KCNB2: variants seen among roughly 807,000 people sequenced by gnomAD.
KCNB2 encodes the protein potassium voltage-gated channel subfamily B member 2, also known as delayed rectifier potassium channel protein.
KCNB2 carries 15 observed loss-of-function variants against 61.5 expected under a neutral mutation model. The ratio of observed to expected loss-of-function variants is 0.24; its 90% CI spans 0.16 to 0.38. KCNB2 has a LOEUF of 0.38. Ranked by LOEUF, KCNB2 falls within the 10% of genes least tolerant of loss-of-function variation. The pLI is 1.00. For synonymous variants in KCNB2, 457 were observed against 446.0 expected (o/e 1.02, Z -0.31); for missense variants, 828 against 1,125.2 (o/e 0.74, Z 3.78).
At chr8:72,632,107 G>A (rs903839000) in intron 2 of KCNB2, among the ~76,000 whole-genome samples, 1 of 151,864 alleles carries the variant, frequency 6.6e-6, no homozygotes, top group African/African-American at 2.4e-5. Context: ...TTAGCTGGAT[G>A]TGATCACATG....
chr8:72,742,352 T>C (rs1167737153), intron 2 of KCNB2, among the ~76,000 whole-genome samples: 3 of 152,188 alleles, frequency 2.0e-5, no homozygotes, highest in Non-Finnish European at 4.4e-5. Context: ...GTTTATAATA[T>C]TGCTTTCTCA....
chr8:72,755,007 G>T (rs1204119487), intron 2 of KCNB2, among the ~76,000 whole-genome samples: 2 of 152,084 alleles, frequency 1.3e-5, no homozygotes, highest in Non-Finnish European at 2.9e-5. Context: ...ATCAACAGTT[G>T]GTAGAAGATA....
intron 2 of KCNB2, among the ~76,000 whole-genome samples, chr8:72,762,882 A>ATATATATAT (rs1808404549): frequency 1.4e-5 from 2 of 141,618 alleles, no homozygotes; most frequent in African/African-American, 5.2e-5. Flanking sequence ...CATATTAACA[A>ATATATATAT]ATATATATAT....
intron 2 of KCNB2, among the ~76,000 whole-genome samples, chr8:72,726,441 A>G (rs1400301152): frequency 1.3e-5 from 2 of 152,234 alleles, no homozygotes; most frequent in African/African-American, 4.8e-5. Flanking sequence ...TATATAAATG[A>G]TAGTAAATAC....
chr8:72,642,381 TG>T (rs1159493089), intron 2 of KCNB2, among the ~76,000 whole-genome samples: 1 of 152,174 alleles, frequency 6.6e-6, no homozygotes, highest in Non-Finnish European at 1.5e-5. Context: ...AAATGGCATA[TG>T]TGGCTTCTAT....
chr8:72,898,842 T>C (rs2129006459), intron 2 of KCNB2, among the ~76,000 whole-genome samples: 1 of 152,282 alleles, frequency 6.6e-6, no homozygotes, highest in Middle Eastern at 3.4e-3. Flanking sequence ...TGTCCCCATC[T>C]TTATGTCCAT....
At chr8:72,661,307 G>A (rs1806376876) in intron 2 of KCNB2, 1 of 152,102 alleles carries the variant, frequency 6.6e-6, no homozygotes, top group Non-Finnish European at 1.5e-5. Context: ...GAGCCACTGC[G>A]CCTTACCTCA....
At chr8:72,607,221 G>A (rs1805464014) in intron 2 of KCNB2, among the ~76,000 whole-genome samples, 1 of 152,160 alleles carries the variant, frequency 6.6e-6, no homozygotes, top group African/African-American at 2.4e-5. Flanking sequence ...CAGAGGAGCA[G>A]CAGTATTGGT....
chr8:72,892,506 C>T (rs889313046), intron 2 of KCNB2, among the ~76,000 whole-genome samples: 1 of 152,156 alleles, frequency 6.6e-6, no homozygotes, highest in East Asian at 1.9e-4. Flanking sequence ...TGCTAGGCAT[C>T]CGGCACATGC....
chr8:72,872,234 T>A (rs1805629305), intron 2 of KCNB2, among the ~76,000 whole-genome samples: 1 of 152,248 alleles, frequency 6.6e-6, no homozygotes, highest in East Asian at 1.9e-4. Context: ...CATCTGAGTA[T>A]AAATTGGCAT....
At chr8:72,919,511 GAGA>G (rs1216209913) in intron 2 of KCNB2, among the ~76,000 whole-genome samples, 1 of 152,206 alleles carries the variant, frequency 6.6e-6, no homozygotes, top group African/African-American at 2.4e-5. Context: ...ATCATCAGAA[GAGA>G]AGATTTGTGT....
At chr8:72,793,226 G>A (rs927361317) in intron 2 of KCNB2, among the ~76,000 whole-genome samples, 3 of 152,146 alleles carry the variant, frequency 2.0e-5, no homozygotes, top group African/African-American at 7.2e-5. Flanking sequence ...TAACATCCTA[G>A]AGGGAGGATT....
At chr8:72,889,911 A>G (rs2129005746) in intron 2 of KCNB2, among the ~76,000 whole-genome samples, 1 of 152,208 alleles carries the variant, frequency 6.6e-6, no homozygotes, top group South Asian at 2.1e-4. Context: ...ATGTGCCAGC[A>G]TGCCCAGCAA....
chr8:72,665,513 TA>T (rs1806453053), intron 2 of KCNB2, among the ~76,000 whole-genome samples: 1 of 145,076 alleles, frequency 6.9e-6, no homozygotes, highest in Non-Finnish European at 1.5e-5. Context: ...AATTCCCAAA[TA>T]TTTTTAATCA....
intron 2 of KCNB2, among the ~76,000 whole-genome samples, chr8:72,656,312 C>T (rs1007902661): frequency 6.6e-6 from 1 of 152,138 alleles, no homozygotes; most frequent in Non-Finnish European, 1.5e-5. Context: ...ACTTGCACCT[C>T]TGAGAGTGAG....
At chr8:72,677,762 T>C (rs1250296987) in intron 2 of KCNB2, among the ~76,000 whole-genome samples, 2 of 152,214 alleles carry the variant, frequency 1.3e-5, no homozygotes, top group South Asian at 2.1e-4. Context: ...TAAACATTTG[T>C]ATTTCAATTA....
intron 2 of KCNB2, among the ~76,000 whole-genome samples, chr8:72,804,835 G>A (rs73686525): frequency 0.024 from 3,609 of 152,306 alleles, 51 homozygotes; most frequent in African/African-American, 0.027. Flanking sequence ...TAGAGCTGGG[G>A]CAGAGGCATG....
At chr8:72,929,036 G>T (rs1008476144) in intron 2 of KCNB2, among the ~76,000 whole-genome samples, 1 of 152,070 alleles carries the variant, frequency 6.6e-6, no homozygotes, top group Admixed American at 6.6e-5. Flanking sequence ...CACTTGGCAG[G>T]ATGCTTTCAT....
intron 2 of KCNB2, among the ~76,000 whole-genome samples, chr8:72,757,500 C>T (rs1219095187): frequency 6.6e-6 from 1 of 152,000 alleles, no homozygotes; most frequent in Non-Finnish European, 1.5e-5. Flanking sequence ...GAGATTGAAA[C>T]TCTTACCAAT....
Sources: allele counts gnomAD v4.1 joint callset (sites outside exome capture counted in the v4.1 genomes callset), GRCh38; gene constraint gnomAD v4.1.1; transcripts MANE v1.5; gene names NCBI Gene and HGNC (gene_info 2026-07-23, HGNC 2026-07-21).